PRDM10: variants seen among roughly 807,000 people sequenced by gnomAD.
PRDM10 encodes PR domain zinc finger protein 10.
In PRDM10, 65 loss-of-function variants were observed where a neutral mutation model predicts 133.1. The observed-to-expected ratio is 0.49, with a 90% confidence interval of 0.40 to 0.60. The LOEUF is 0.60. Among genes scored for constraint, PRDM10 ranks in the 20% least tolerant of loss-of-function variants. The pLI is 0.00. For synonymous variants in PRDM10, 582 were observed against 580.4 expected, an observed-to-expected ratio of 1.00 and a Z score of -0.04; for missense variants, 1,137 against 1,507.1, an observed-to-expected ratio of 0.75 and a Z score of 4.07.
At chr11:129,948,054 T>C (rs181699289) in intron 4 of PRDM10, 2 of 456,568 alleles carry the variant, frequency 4.4e-6, no homozygotes, top group Non-Finnish European at 8.8e-6. Context: ...GGTTTTTAAG[T>C]AAGAATGAAA....
intron 1 of PRDM10, among the ~76,000 whole-genome samples, chr11:130,002,450 G>T (rs1591718942): frequency 6.6e-6 from 1 of 152,248 alleles, no homozygotes; most frequent in East Asian, 1.9e-4. Context: ...AGGTGCAGAT[G>T]GTTTGACCCC....
At chr11:130,000,441 G>T (rs1939287938) in intron 1 of PRDM10, among the ~76,000 whole-genome samples, 1 of 152,090 alleles carries the variant, frequency 6.6e-6, no homozygotes, top group African/African-American at 2.4e-5. Context: ...AATCAATTTG[G>T]GATTATATTG....
chr11:129,947,106 G>A lies in PRDM10; in HGVS notation c.520+39C>T, dbSNP rs1951440762. 6.2e-7 allele frequency: 1 copy of A among 1,605,954 alleles called. No homozygotes were observed. Among genetic ancestry groups the A allele is most frequent in the Non-Finnish European group, 8.5e-7 (1 of 1,175,538 alleles). On this transcript the variant is annotated intron_variant, in intron 5 of 20. Transcript: ENST00000360871. The surrounding 1 kb of genome is among the most constrained non-coding windows in gnomAD (Gnocchi z 4.6). ...CACACGTACACAGACACACAAGATGGACACAGCTTCCCTGGGGGAGACCCG... is the reference window on the plus strand; with the variant it reads ...CACACGTACACAGACACACAAGATGAACACAGCTTCCCTGGGGGAGACCCG...
At chr11:129,985,679 G>A (rs1938370190) in intron 1 of PRDM10, among the ~76,000 whole-genome samples, 1 of 149,784 alleles carries the variant, frequency 6.7e-6, no homozygotes, top group African/African-American at 2.5e-5. Context: ...AGCTACTCAG[G>A]AGGCTGAGGT....
rs1405712661 is a variant in PRDM10 at position 129,905,729 on chromosome 11, T to C, written c.3176A>G (p.Gln1059Arg). The C allele has an allele frequency of 6.2e-7, 1 of 1,613,920 alleles. No individual in the cohort carries two copies. Among genetic ancestry groups the C allele is most frequent in the East Asian group, 2.2e-5 (1 of 44,888 alleles). Residue 1059 changes from glutamine (Q) to arginine (R), a missense_variant, in exon 20 of 21, where the codon CAA (glutamine) becomes CGA (arginine). Gln to Arg is a conservative substitution (Grantham distance 43). Transcript: ENST00000360871. ...CTGACCCGGAGGAAGCGTCATCATT[T>C]GAATCTCAGATGCTAAAAAACAGGA... ...NSFRGYSSEI[Q>R]MMTLPPGQFV... is the part of the protein sequence containing the mutation.
chr11:129,931,975 C>G (rs537545250), intron 10 of PRDM10, 127 bp downstream of exon 10: 1 of 1,208,598 alleles, frequency 8.3e-7, no homozygotes, highest in African/African-American at 1.5e-5. Flanking sequence ...CTTTAATTAA[C>G]AGGCAGCAAG....
chr11:129,999,373 A>G (rs1025939007), intron 1 of PRDM10, among the ~76,000 whole-genome samples: 4 of 152,234 alleles, frequency 2.6e-5, no homozygotes, highest in Non-Finnish European at 5.9e-5. Context: ...TCTAGACACC[A>G]GATCGAATTC....
intron 17 of PRDM10, chr11:129,914,496 T>A (rs1472677770): frequency 2.5e-5 from 18 of 709,006 alleles, no homozygotes; most frequent in Non-Finnish European, 4.4e-5. Context: ...AACCTAAAAT[T>A]TCCTGACTAC....
chr11:129,954,152 T>C (rs1164593604), intron 4 of PRDM10, among the ~76,000 whole-genome samples: 1 of 151,326 alleles, frequency 6.6e-6, no homozygotes, highest in East Asian at 1.9e-4. Flanking sequence ...TCAGATGATA[T>C]GAATATAACT....
In PRDM10 at chr11:129,900,757, G is replaced by T. The variant is rs1027039055; in HGVS notation, c.*1556C>A. The stretch of plus-strand genomic sequence containing the variant: ...TTGTCACAAAGAGAGTCCATTTTCA[G>T]TTTCCATATGTTTATGAAGTAATTT... On this transcript the variant is annotated 3_prime_UTR_variant, in exon 21 of 21. Coordinates refer to ENST00000360871, the MANE Select transcript of PRDM10 (RefSeq NM_199437.2). 6.6e-6 allele frequency: 1 copy of T among 152,146 alleles called. No individual in the cohort carries two copies. Among genetic ancestry groups the T allele is most frequent in the Admixed American group, 6.6e-5 (1 of 15,266 alleles). 9.4% of individuals were successfully genotyped at this position (152,146 alleles called of 1,614,324 possible). A position where few individuals can be genotyped will look rare whatever the true frequency, so the allele number is the denominator to read the frequency against.
Position 129,957,768 on chromosome 11 carries a change from ATGTACACCAGCG to A in PRDM10, c.200_211del (p.Thr67_Tyr70del). On this transcript the variant is annotated inframe_deletion, in exon 3 of 21. Transcript: ENST00000360871. ...TGCCTGTGCAGCTTCCACCGGGTGG[ATGTACACCAGCG>A]TGTGCTCTGGACCATCCACTGATGT... The A allele has an allele frequency of 6.2e-7, 1 of 1,613,488 alleles. No individual in the cohort carries two copies. Among genetic ancestry groups the A allele is most frequent in the Non-Finnish European group, 8.5e-7 (1 of 1,179,570 alleles).
chr11:129,909,365 A>T (rs1398408840), intron 19 of PRDM10, among the ~76,000 whole-genome samples: 2 of 151,556 alleles, frequency 1.3e-5, no homozygotes, highest in African/African-American at 4.8e-5. Context: ...CAGGAGAATC[A>T]CTTGAACCCG....
rs970641212 is a variant in PRDM10 at position 129,931,042 on chromosome 11, C to T, written c.1504G>A (p.Asp502Asn). The change falls in exon 11 of 21, where the codon GAC (aspartate) becomes AAC (asparagine). Residue 502 changes from aspartate to asparagine, a missense_variant. Transcript: ENST00000360871. ...VPTQSTLTAD[D>N]MRRAKRIRNA... is the part of the protein sequence containing the mutation. ...CGGATGCGCTTGGCTCTGCGCATGT[C>T]GTCGGCTGTCAGCGTGCTCTGGGTG... The T allele has an allele frequency of 1.9e-6, 3 of 1,613,498 alleles. No homozygotes were observed. Among genetic ancestry groups the T allele is most frequent in the Non-Finnish European group, 2.5e-6 (3 of 1,179,778 alleles).
intron 2 of PRDM10, among the ~76,000 whole-genome samples, chr11:129,958,286 T>TTTTA (rs1951734148): frequency 6.6e-6 from 1 of 152,214 alleles, no homozygotes; most frequent in Non-Finnish European, 1.5e-5. Context: ...CCAATTGCTG[T>TTTTA]CAACACATCA....
intron 17 of PRDM10, among the ~76,000 whole-genome samples, chr11:129,913,134 T>C (rs1375229430): frequency 9.6e-5 from 14 of 145,104 alleles, no homozygotes; most frequent in African/African-American, 3.1e-4. Flanking sequence ...GGGAGGAATA[T>C]CTGAGCCTGG....
At position 129,902,420 on chromosome 11, in the gene PRDM10, C is replaced by T; in HGVS notation, c.3364G>A (p.Asp1122Asn). The T allele has an allele frequency of 6.2e-7, 1 of 1,614,160 alleles. No homozygotes were observed. Among genetic ancestry groups the T allele is most frequent in the Admixed American group, 1.7e-5 (1 of 60,026 alleles). ...CTGTTGGTCTGGGGGTCCAGGGAGTCACTGTGTGCAGGTGGCTCGACCTGG... is the reference window on the plus strand; with the variant it reads ...CTGTTGGTCTGGGGGTCCAGGGAGTTACTGTGTGCAGGTGGCTCGACCTGG... ...GVQVEPPAHS[D>N]SLDPQTNSQQ... Residue 1122 changes from aspartate (D) to asparagine (N), a missense_variant, in exon 21 of 21, where the codon GAC (aspartate) becomes AAC (asparagine). Physicochemically the swap from Asp to Asn is conservative, Grantham distance 23. This residue lies in a region of PRDM10 where 243 missense variants were observed against 259.2 expected (regional missense o/e 0.94). Coordinates refer to ENST00000360871, the MANE Select transcript of PRDM10 (RefSeq NM_199437.2).
At chr11:129,920,317 C>T (rs1028343248) in intron 13 of PRDM10, among the ~76,000 whole-genome samples, 3 of 152,132 alleles carry the variant, frequency 2.0e-5, no homozygotes, top group Non-Finnish European at 4.4e-5. Context: ...CCGCTATCTG[C>T]CCCCACTCCT....
intron 9 of PRDM10, among the ~76,000 whole-genome samples, chr11:129,934,029 C>G (rs1269148795): frequency 6.6e-6 from 1 of 152,216 alleles, no homozygotes; most frequent in East Asian, 1.9e-4. Flanking sequence ...GTTCTCTCCC[C>G]TTCTTCCACA....
chr11:129,946,855 TGA>T (rs1033514406), intron 5 of PRDM10, among the ~76,000 whole-genome samples: 4 of 152,092 alleles, frequency 2.6e-5, no homozygotes, highest in African/African-American at 9.7e-5. Flanking sequence ...AGCTCTGGTG[TGA>T]GAGACCTGGG....
Sources: allele counts gnomAD v4.1 joint callset (sites outside exome capture counted in the v4.1 genomes callset), GRCh38; gene constraint gnomAD v4.1.1; regional missense constraint gnomAD v4.1.1; non-coding constraint Gnocchi (gnomAD v3.1); transcripts MANE v1.5; gene names NCBI Gene and HGNC (gene_info 2026-07-23, HGNC 2026-07-21).